Variants in OPCML observed in about 807,000 individuals in gnomAD.
The protein encoded by OPCML is opioid binding protein/cell adhesion molecule like.
OPCML carries 13 observed loss-of-function variants against 37.8 expected under a neutral mutation model. That is an observed-to-expected ratio of 0.34 (90% CI 0.22 to 0.55). OPCML has a LOEUF of 0.55. Ranked by LOEUF, OPCML falls within the 20% of genes least tolerant of loss-of-function variation. The pLI is 0.91. For missense variants in OPCML, 341 were observed against 435.6 expected, an observed-to-expected ratio of 0.78 and a Z score of 1.93; for synonymous variants, 176 against 168.8, an observed-to-expected ratio of 1.04 and a Z score of -0.33.
intron 2 of OPCML, among the ~76,000 whole-genome samples, chr11:132,709,341 G>A (rs1944165710): frequency 6.6e-6 from 1 of 152,172 alleles, no homozygotes; most frequent in Non-Finnish European, 1.5e-5. Context: ...CTCCTGGATA[G>A]CTTTCACTTA....
chr11:133,347,930 G>A (rs1944039400), intron 1 of OPCML, among the ~76,000 whole-genome samples: 2 of 152,136 alleles, frequency 1.3e-5, no homozygotes, highest in African/African-American at 4.8e-5. Flanking sequence ...GGGGAATACT[G>A]AACAATAGTG....
At position 133,413,424 on chromosome 11, in the gene OPCML, C is replaced by T. The variant is rs552128949; in HGVS notation, c.61+118840G>A. Among the ~76,000 whole-genome samples the T allele has an allele frequency of 1.4e-3, 217 of 151,830 alleles. 2 individuals carry two copies. Among genetic ancestry groups the T allele is most frequent in the Non-Finnish European group, 7.4e-4 (50 of 67,944 alleles). ...AGCACACCAGCATGGCACATGTATA[C>T]ATATGTAACTAACCTGCACATTGTG... is the stretch of plus-strand genomic sequence containing the variant. On this transcript the variant is annotated intron_variant, in intron 1 of 7. Transcript: ENST00000524381.
intron 1 of OPCML, among the ~76,000 whole-genome samples, chr11:133,330,936 A>T (rs1422970064): frequency 6.6e-6 from 1 of 152,208 alleles, no homozygotes; most frequent in Non-Finnish European, 1.5e-5. Flanking sequence ...AAGTTCAAAG[A>T]AGTTAATAAA....
intron 2 of OPCML, among the ~76,000 whole-genome samples, chr11:132,743,371 G>T (rs1218926788): frequency 2.0e-5 from 3 of 152,010 alleles, no homozygotes; most frequent in African/African-American, 7.2e-5. Flanking sequence ...TGATAAAGAG[G>T]CATTTCCCAT....
intron 2 of OPCML, among the ~76,000 whole-genome samples, chr11:132,793,558 CAG>C (rs1415809347): frequency 6.6e-6 from 1 of 152,104 alleles, no homozygotes; most frequent in African/African-American, 2.4e-5. Context: ...ACTAGGGGGC[CAG>C]AGAGATACAA....
At chr11:133,021,904 T>C (rs1947463345) in intron 1 of OPCML, among the ~76,000 whole-genome samples, 1 of 152,238 alleles carries the variant, frequency 6.6e-6, no homozygotes, top group Non-Finnish European at 1.5e-5. Flanking sequence ...GCAGACTGGA[T>C]GCTCAGTCTT....
chr11:132,948,497 A>G (rs1310389850), intron 1 of OPCML, among the ~76,000 whole-genome samples: 1 of 152,082 alleles, frequency 6.6e-6, no homozygotes, highest in Non-Finnish European at 1.5e-5. Flanking sequence ...TTGGTGTGTG[A>G]GCATTAGATA....
chr11:133,479,055 A>AT (rs1947314509), intron 1 of OPCML, among the ~76,000 whole-genome samples: 1 of 152,184 alleles, frequency 6.6e-6, no homozygotes, highest in Non-Finnish European at 1.5e-5. Flanking sequence ...AACAGGACGC[A>AT]CTTTAAAGGA....
intron 1 of OPCML, among the ~76,000 whole-genome samples, chr11:133,236,575 G>C (rs1663177362): frequency 6.6e-6 from 1 of 152,102 alleles, no homozygotes; most frequent in Admixed American, 6.6e-5. Flanking sequence ...TTTATTCAAA[G>C]ACCTGTGCTA....
intron 1 of OPCML, among the ~76,000 whole-genome samples, chr11:133,238,757 A>C (rs1324213861): frequency 6.6e-6 from 1 of 151,850 alleles, no homozygotes; most frequent in East Asian, 1.9e-4. Context: ...TACCCCTCCC[A>C]GTCCTTCGGG....
At chr11:133,375,532 G>C (rs1944783662) in intron 1 of OPCML, among the ~76,000 whole-genome samples, 1 of 152,174 alleles carries the variant, frequency 6.6e-6, no homozygotes, top group South Asian at 2.1e-4. Context: ...GAAAATGTTA[G>C]ATCCAAAAGA....
chr11:133,045,495 G>C (rs1947990843), intron 1 of OPCML, among the ~76,000 whole-genome samples: 1 of 152,212 alleles, frequency 6.6e-6, no homozygotes, highest in African/African-American at 2.4e-5. Context: ...CAGCTGCTCA[G>C]TGATGTAGCA....
At chr11:133,169,512 A>T (rs922720255) in intron 1 of OPCML, among the ~76,000 whole-genome samples, 1 of 152,236 alleles carries the variant, frequency 6.6e-6, no homozygotes, top group African/African-American at 2.4e-5. Context: ...TGCTGCTGTA[A>T]AATCACTGTT....
At chr11:132,618,896 A>G (rs78122455) in intron 3 of OPCML, among the ~76,000 whole-genome samples, 4,092 of 151,798 alleles carry the variant, frequency 0.027, 192 homozygotes, top group South Asian at 0.17. Context: ...CCCTGCAGCC[A>G]GAATAATCTC....
chr11:132,647,658 T>C (rs1941223250), intron 3 of OPCML, among the ~76,000 whole-genome samples: 4 of 152,122 alleles, frequency 2.6e-5, no homozygotes, highest in Admixed American at 2.6e-4. Context: ...TTCATCATTA[T>C]TGTCTTAATG....
chr11:132,784,639 C>A (rs1432507908), intron 2 of OPCML, among the ~76,000 whole-genome samples: 7 of 152,096 alleles, frequency 4.6e-5, no homozygotes, highest in Non-Finnish European at 1.0e-4. Flanking sequence ...TGGACGTGGG[C>A]CTGGTGCGAG....
intron 4 of OPCML, among the ~76,000 whole-genome samples, chr11:132,441,599 G>T (rs2096035748): frequency 6.6e-6 from 1 of 152,176 alleles, no homozygotes; most frequent in Admixed American, 6.5e-5. Flanking sequence ...GAGGCATTAT[G>T]AACCTGCTCT....
chr11:132,979,148 T>A (rs1946529218), intron 1 of OPCML, among the ~76,000 whole-genome samples: 1 of 152,116 alleles, frequency 6.6e-6, no homozygotes, highest in South Asian at 2.1e-4. Flanking sequence ...GCCTTCTCCC[T>A]CCATCCATTT....
At chr11:132,938,455 G>A (rs1037301153) in intron 2 of OPCML, among the ~76,000 whole-genome samples, 14 of 152,132 alleles carry the variant, frequency 9.2e-5, no homozygotes, top group African/African-American at 3.4e-4. Context: ...AGAACGAGAT[G>A]GAGCAGACAA....
Sources: gnomAD v4.1 joint callset for allele counts (sites outside exome capture counted in the v4.1 genomes callset) on GRCh38, gnomAD v4.1.1 for gene constraint, MANE v1.5 for transcripts, NCBI Gene and HGNC (gene_info 2026-07-23, HGNC 2026-07-21) for gene names.